The following TDRD5 variants were observed in gnomAD, a reference collection of about 807,000 sequenced individuals.
TDRD5 encodes the protein tudor domain containing 5.
A neutral mutation model predicts 120.6 loss-of-function variants in TDRD5; 41 were observed. The ratio of observed to expected loss-of-function variants is 0.34; its 90% CI spans 0.26 to 0.44. The LOEUF (loss-of-function observed/expected upper bound fraction) is 0.44, where lower values mean the gene tolerates loss of function less well. Among genes scored for constraint, TDRD5 ranks in the 20% least tolerant of loss-of-function variants. The pLI, the probability that TDRD5 is intolerant of heterozygous loss-of-function variation, is 1.00. For missense variants in TDRD5, 1,006 were observed against 1,221.2 expected (o/e 0.82, Z 2.63); for synonymous variants, 430 against 433.7 (o/e 0.99, Z 0.11).
chr1:179,682,898 T>C (rs1680506007), intron 17 of TDRD5, among the ~76,000 whole-genome samples: 1 of 152,166 alleles, frequency 6.6e-6, no homozygotes, highest in Non-Finnish European at 1.5e-5. Flanking sequence ...CTAATGATTA[T>C]TCTGCCTGCT....
At chr1:179,595,562 C>A (rs976682588) in intron 3 of TDRD5, 66 bp from the exon 4 acceptor site, 28 of 1,401,858 alleles carry the variant, frequency 2.0e-5, no homozygotes, top group Non-Finnish European at 2.6e-5. Context: ...CTGTATGTAG[C>A]CACCGGAAAA....
chr1:179,595,849 T>A (rs750651014), intron 4 of TDRD5, 31 bp downstream of exon 4: 1 of 1,557,876 alleles, frequency 6.4e-7, no homozygotes, highest in Admixed American at 2.0e-5. Context: ...GATATAAATA[T>A]ACGATGTTTT....
At chr1:179,681,928 TTTTC>T (rs1055287233) in intron 17 of TDRD5, among the ~76,000 whole-genome samples, 2 of 9,096 alleles carry the variant, frequency 2.2e-4, no homozygotes, top group African/African-American at 8.3e-4. Flanking sequence ...TTCAGTGTGT[TTTTC>T]TTTTTCTTTT....
intron 4 of TDRD5, among the ~76,000 whole-genome samples, chr1:179,608,350 G>T (rs1446575720): frequency 2.6e-5 from 4 of 151,884 alleles, no homozygotes; most frequent in Non-Finnish European, 5.9e-5. Flanking sequence ...ATGAAATCTA[G>T]AAATTTTGTC....
At chr1:179,612,451 A>G (rs996200651) in intron 4 of TDRD5, among the ~76,000 whole-genome samples, 4 of 152,184 alleles carry the variant, frequency 2.6e-5, no homozygotes, top group African/African-American at 9.6e-5. Flanking sequence ...GAATTTAGCT[A>G]TATTTTCTAG....
intron 3 of TDRD5, among the ~76,000 whole-genome samples, chr1:179,595,018 A>G (rs1010226810): frequency 2.0e-5 from 3 of 151,332 alleles, no homozygotes; most frequent in Non-Finnish European, 2.9e-5. Flanking sequence ...TGTCATCAGG[A>G]TATCTTGAAG....
intron 9 of TDRD5, 36 bp downstream of exon 9, chr1:179,635,923 G>A (rs4483370): frequency 0.46 from 730,145 of 1,582,954 alleles, 169,547 homozygotes; most frequent in Admixed American, 0.49. Flanking sequence ...TTTTTCACAT[G>A]TCTCTTAAAT....
chr1:179,597,332 C>CTTT (rs945509784), intron 4 of TDRD5, among the ~76,000 whole-genome samples: 15 of 125,572 alleles, frequency 1.2e-4, no homozygotes, highest in Middle Eastern at 4.1e-3. Context: ...TTCTTTTTTT[C>CTTT]TTTTTTTTTT....
At chr1:179,598,646 C>T (rs1448175184) in intron 4 of TDRD5, among the ~76,000 whole-genome samples, 1 of 150,508 alleles carries the variant, frequency 6.6e-6, no homozygotes, top group African/African-American at 2.4e-5. Flanking sequence ...TTTAAAATTT[C>T]TAATCATTGC....
chr1:179,607,288 C>T (rs899463841), intron 4 of TDRD5, among the ~76,000 whole-genome samples: 16 of 152,084 alleles, frequency 1.1e-4, no homozygotes, highest in African/African-American at 3.9e-4. Context: ...CATCCTGCAA[C>T]CTTGCTATAA....
At position 179,602,096 on chromosome 1, in the gene TDRD5, G is replaced by A. The variant is rs538886762; in HGVS notation, c.831+6278G>A. Among the ~76,000 whole-genome samples, 12 of 152,252 alleles carry A rather than the reference G, an allele frequency of 7.9e-5. No individual in the cohort carries two copies. The South Asian group carries it at 8.3e-4, about 11-fold the overall frequency. On this transcript the variant is annotated intron_variant, in intron 4 of 17. Transcript: ENST00000444136. Reference sequence around the variant, plus strand: ...GCTGGGATTACAGGCATAAGCCACCGTACCTGGCCTACTTTTAGTTCTTTA... The same window carrying A: ...GCTGGGATTACAGGCATAAGCCACCATACCTGGCCTACTTTTAGTTCTTTA...
intron 4 of TDRD5, among the ~76,000 whole-genome samples, chr1:179,601,719 T>G (rs1675722786): frequency 6.6e-6 from 1 of 152,228 alleles, no homozygotes; most frequent in Non-Finnish European, 1.5e-5. Flanking sequence ...TGTGCTGCTA[T>G]AAATGTGCAT....
intron 14 of TDRD5, among the ~76,000 whole-genome samples, chr1:179,658,235 T>C (rs777447695): frequency 6.6e-6 from 1 of 152,186 alleles, no homozygotes; most frequent in African/African-American, 2.4e-5. Context: ...TTTATTGATG[T>C]ACACTTTGTA....
chr1:179,609,023 A>G (rs1361447716), intron 4 of TDRD5, among the ~76,000 whole-genome samples: 1 of 152,142 alleles, frequency 6.6e-6, no homozygotes, highest in African/African-American at 2.4e-5. Context: ...AAGTTAGATT[A>G]GGTTATGAAG....
intron 14 of TDRD5, among the ~76,000 whole-genome samples, chr1:179,656,646 T>G (rs1679020644): frequency 6.6e-6 from 1 of 152,254 alleles, no homozygotes; most frequent in African/African-American, 2.4e-5. Flanking sequence ...TGTCCATATT[T>G]CTGTAAGTCT....
intron 15 of TDRD5, 41 bp from the exon 16 acceptor site, chr1:179,663,307 G>T: frequency 6.4e-7 from 1 of 1,568,872 alleles, no homozygotes; most frequent in Admixed American, 2.0e-5. Flanking sequence ...GGGTCATGTT[G>T]CACTTTATCT....
rs540852127 is a variant in TDRD5 at position 179,592,980 on chromosome 1, A to T, written c.232+133A>T. Reference sequence around the variant, plus strand: ...AATTTGGTGGGGGAGGGAGACTCATAGGTGCTTTTGAGGTTGTGGGCAAAA... The same window carrying T: ...AATTTGGTGGGGGAGGGAGACTCATTGGTGCTTTTGAGGTTGTGGGCAAAA... On this transcript the variant is annotated intron_variant, in intron 2 of 17. Transcript: ENST00000444136. 8.4e-5 allele frequency: 80 copies of T among 957,330 alleles called. No individual in the cohort carries two copies. In the African/African-American group the frequency reaches 9.1e-4, roughly 11 times the overall value. 59.3% of individuals were successfully genotyped at this position (957,330 alleles called of 1,614,324 possible).
At position 179,645,899 on chromosome 1, in the gene TDRD5, A is replaced by G. The variant is rs146681085; in HGVS notation, c.1801-4968A>G. Among the ~76,000 whole-genome samples, 566 of 152,196 alleles carry G rather than the reference A, an allele frequency of 3.7e-3. 3 individuals are homozygous for G. Among genetic ancestry groups the G allele is most frequent in the African/African-American group, 0.013 (530 of 41,556 alleles). On this transcript the variant is annotated intron_variant, in intron 11 of 17. Coordinates refer to ENST00000444136, the MANE Select transcript of TDRD5 (RefSeq NM_001199085.3). ...GATGTTAATATAACTATCATTTTCT[A>G]TTTAATATCCTGGTGTGTTTTTAAA...
chr1:179,654,596 C>T (rs778146824), intron 14 of TDRD5, among the ~76,000 whole-genome samples: 22 of 152,024 alleles, frequency 1.4e-4, no homozygotes, highest in Non-Finnish European at 2.9e-4. Context: ...GATACCTTGT[C>T]TCTACAAAAT....
Sources: gnomAD v4.1 joint callset for allele counts (sites outside exome capture counted in the v4.1 genomes callset) on GRCh38, gnomAD v4.1.1 for gene constraint, MANE v1.5 for transcripts, NCBI Gene and HGNC (gene_info 2026-07-23, HGNC 2026-07-21) for gene names.